The following ORC5 variants were observed in gnomAD, a reference collection of about 807,000 sequenced individuals.
ORC5 encodes protein phosphatase 1, regulatory subunit 117.
ORC5 carries 39 observed loss-of-function variants against 58.8 expected under a neutral mutation model. The ratio of observed to expected loss-of-function variants is 0.66; its 90% CI spans 0.51 to 0.87. The LOEUF (loss-of-function observed/expected upper bound fraction) is 0.87, where lower values mean the gene tolerates loss of function less well. Ranked by LOEUF, ORC5 falls within the 40% of genes least tolerant of loss-of-function variation. The probability of loss-of-function intolerance (pLI) is 0.00; values close to 1 mark genes in which losing one functional copy is unlikely to be tolerated. For synonymous variants in ORC5, 218 were observed against 177.6 expected (o/e 1.23, Z -1.81); for missense variants, 493 against 506.3 (o/e 0.97, Z 0.25).
At chr7:104,168,595 G>A in intron 8 of ORC5, 70 bp from the exon 9 acceptor site, 1 of 973,214 alleles carries the variant, frequency 1.0e-6, no homozygotes, top group Non-Finnish European at 1.5e-6. Flanking sequence ...TTAAAACAGA[G>A]CCCTAGAAAA....
At chr7:104,134,108 G>C (rs1798552998) in intron 13 of ORC5, among the ~76,000 whole-genome samples, 1 of 152,062 alleles carries the variant, frequency 6.6e-6, no homozygotes, top group Admixed American at 6.6e-5. Flanking sequence ...GTTAGAATGT[G>C]GGGTTTAAAC....
At chr7:104,182,152 AG>A (rs1799446989) in intron 8 of ORC5, among the ~76,000 whole-genome samples, 1 of 152,168 alleles carries the variant, frequency 6.6e-6, no homozygotes, top group Admixed American at 6.5e-5. Context: ...TTGTTCCTGA[AG>A]CCTTATACAT....
intron 5 of ORC5, among the ~76,000 whole-genome samples, chr7:104,188,935 T>C (rs1337379088): frequency 6.6e-6 from 1 of 152,106 alleles, no homozygotes; most frequent in Non-Finnish European, 1.5e-5. Flanking sequence ...CCCTTCACCT[T>C]CCACCATGAT....
chr7:104,138,068 G>A lies in ORC5; in HGVS notation c.1150-1175C>T, dbSNP rs1318206202. On this transcript the variant is annotated intron_variant, in intron 12 of 13. Coordinates refer to ENST00000297431, the MANE Select transcript of ORC5 (RefSeq NM_002553.4). The surrounding 1 kb of genome is among the most constrained non-coding windows in gnomAD (Gnocchi z 4.7). ...TTGGAGCCCCACAACCTGCCCGTCT[G>A]CATGCTCCCATTAGAGGTTTGAGCA... Among the ~76,000 whole-genome samples, 1 of 152,206 alleles carries A rather than the reference G, an allele frequency of 6.6e-6. No homozygotes were observed. Among genetic ancestry groups the A allele is most frequent in the Non-Finnish European group, 1.5e-5 (1 of 68,044 alleles).
chr7:104,189,924 C>G (rs1799636464), intron 5 of ORC5, among the ~76,000 whole-genome samples: 1 of 152,126 alleles, frequency 6.6e-6, no homozygotes, highest in African/African-American at 2.4e-5. Context: ...AGAATGGTGT[C>G]TGAAATGCTA....
chr7:104,198,895 G>A lies in ORC5; in HGVS notation c.367-1096C>T, dbSNP rs1357960816. On this transcript the variant is annotated intron_variant, in intron 3 of 13. Coordinates refer to ENST00000297431, the MANE Select transcript of ORC5 (RefSeq NM_002553.4). ...CTGCTTTGTGCAGTCTCGGAACTTG[G>A]TGTCCTGCATCCCCACTCATGGCTA... Among the ~76,000 whole-genome samples the A allele has an allele frequency of 2.0e-5, 3 of 152,220 alleles. No homozygotes were observed. The East Asian group carries it at 5.8e-4, about 29-fold the overall frequency.
Position 104,146,287 on chromosome 7 carries a change from C to T in ORC5, c.1150-9394G>A, listed in dbSNP as rs141471235. 2.8e-4 allele frequency among the ~76,000 whole-genome samples: 42 copies of T among 152,244 alleles called. 1 individual carries two copies. In the East Asian group the frequency reaches 7.7e-3, roughly 28 times the overall value. On this transcript the variant is annotated intron_variant, in intron 12 of 13. Transcript: ENST00000297431. ...CTTATAAAACTAAGCAGGCAATTAC[C>T]GTATTACCCTGCAATTGCACTTATG...
intron 1 of ORC5, among the ~76,000 whole-genome samples, chr7:104,205,523 A>G (rs1344678843): frequency 6.6e-6 from 1 of 152,232 alleles, no homozygotes; most frequent in Non-Finnish European, 1.5e-5. Context: ...CAAGTCACTA[A>G]GTTAAACATT....
At chr7:104,161,713 A>G (rs181096583) in intron 11 of ORC5, among the ~76,000 whole-genome samples, 87 of 152,264 alleles carry the variant, frequency 5.7e-4, no homozygotes, top group African/African-American at 2.0e-3. Context: ...CTTTTAACAT[A>G]TTCCTCAAGA....
intron 12 of ORC5, among the ~76,000 whole-genome samples, chr7:104,145,458 G>T (rs958453580): frequency 6.6e-6 from 1 of 152,076 alleles, no homozygotes. Flanking sequence ...AATAATAATG[G>T]TAAAACATTC....
At chr7:104,194,453 A>C (rs1016528673) in intron 5 of ORC5, among the ~76,000 whole-genome samples, 2 of 152,066 alleles carry the variant, frequency 1.3e-5, no homozygotes, top group Non-Finnish European at 2.9e-5. Flanking sequence ...ATGACAGCCC[A>C]GTCTTAATCC....
chr7:104,197,471 A>C (rs888213266), intron 4 of ORC5, among the ~76,000 whole-genome samples: 7 of 152,228 alleles, frequency 4.6e-5, no homozygotes, highest in African/African-American at 1.7e-4. Context: ...TTCTAGCAAC[A>C]TCTAAAACTT....
intron 12 of ORC5, among the ~76,000 whole-genome samples, chr7:104,151,867 G>C (rs1373958166): frequency 6.6e-6 from 1 of 152,164 alleles, no homozygotes; most frequent in Non-Finnish European, 1.5e-5. Context: ...GATTACTTTT[G>C]ATTCTAAGAA....
intron 8 of ORC5, among the ~76,000 whole-genome samples, chr7:104,183,157 T>C (rs1183320420): frequency 6.6e-6 from 1 of 152,056 alleles, no homozygotes; most frequent in East Asian, 1.9e-4. Context: ...TCTGCAGAAG[T>C]ACAACTCCTA....
At chr7:104,145,696 G>C (rs1036403941) in intron 12 of ORC5, among the ~76,000 whole-genome samples, 1 of 152,024 alleles carries the variant, frequency 6.6e-6, no homozygotes, top group African/African-American at 2.4e-5. Context: ...TATAAGAGGC[G>C]ACCAAAAGAG....
intron 12 of ORC5, among the ~76,000 whole-genome samples, chr7:104,137,959 T>G (rs1174823873): frequency 6.6e-6 from 1 of 152,182 alleles, no homozygotes; most frequent in East Asian, 1.9e-4. Flanking sequence ...CACCTATAGA[T>G]GGCAAAACTA....
At chr7:104,147,708 G>T (rs1164108552) in intron 12 of ORC5, among the ~76,000 whole-genome samples, 1 of 152,082 alleles carries the variant, frequency 6.6e-6, no homozygotes, top group Non-Finnish European at 1.5e-5. Context: ...CGTGCTAAAG[G>T]TTTGCTAGAA....
intron 5 of ORC5, among the ~76,000 whole-genome samples, chr7:104,191,438 T>C (rs567578681): frequency 6.6e-6 from 1 of 152,130 alleles, no homozygotes; most frequent in Admixed American, 6.6e-5. Context: ...TGGAAAACAG[T>C]TGAGTCTCCA....
chr7:104,191,524 T>C (rs954589488), intron 5 of ORC5, among the ~76,000 whole-genome samples: 12 of 152,126 alleles, frequency 7.9e-5, no homozygotes, highest in African/African-American at 2.6e-4. Context: ...CTGTATCCCA[T>C]AAGACAGTTG....
Sources: allele counts gnomAD v4.1 joint callset (sites outside exome capture counted in the v4.1 genomes callset), GRCh38; gene constraint gnomAD v4.1.1; non-coding constraint Gnocchi (gnomAD v3.1); transcripts MANE v1.5; gene names NCBI Gene and HGNC (gene_info 2026-07-23, HGNC 2026-07-21).